POLE: variants seen among roughly 807,000 people sequenced by gnomAD.
POLE encodes the protein DNA polymerase epsilon catalytic subunit A.
Under a neutral mutation model 279.2 loss-of-function variants are expected in POLE, and 188 were observed. The ratio of observed to expected loss-of-function variants is 0.67; its 90% CI spans 0.60 to 0.76. POLE has a LOEUF of 0.76. Among genes scored for constraint, POLE ranks in the 30% least tolerant of loss-of-function variants. The pLI is 0.00. For missense variants in POLE, 2,703 were observed against 3,016.7 expected (o/e 0.90, Z 2.44); for synonymous variants, 1,214 against 1,172.5 (o/e 1.04, Z -0.72).
At chr12:132,659,167 T>C (rs1360432368) in intron 26 of POLE, 128 bp downstream of exon 26, 1 of 938,610 alleles carries the variant, frequency 1.1e-6, no homozygotes, top group Non-Finnish European at 1.6e-6. Flanking sequence ...ACCCCTTACC[T>C]CTCCGTGACA....
At chr12:132,667,790 C>T (rs751451605) in intron 19 of POLE, 142 bp from the exon 20 acceptor site, 45 of 931,864 alleles carry the variant, frequency 4.8e-5, no homozygotes, top group African/African-American at 1.1e-4. Context: ...TTTCTCATAC[C>T]GAAAAAGGTG....
rs199788386 is a variant in POLE, at chr12:132,643,366, T to C, written c.4445-36A>G. 1.9e-4 allele frequency: 302 copies of C among 1,614,148 alleles called. 1 individual carries two copies. In the African/African-American group the frequency reaches 3.8e-3, roughly 20 times the overall value. On this transcript the variant is annotated intron_variant, in intron 34 of 48. Coordinates refer to ENST00000320574, the MANE Select transcript of POLE (RefSeq NM_006231.4). ...AAACAAGACCGTCACCCCAGATGTG[T>C]GGGAGGCAGGCACATGATGGGCGGC...
chr12:132,658,881 C>CAAAAAAAAAAAAAAAAAAAAAAAA lies in POLE; in HGVS notation c.3275+390_3275+413dup, dbSNP rs1167117347. ...ACTGGTCCTATTTGTATATAACCAC[C>CAAAAAAAAAAAAAAAAAAAAAAAA]AAAAAAAAAAAAAAAAAAAAAAAAA... On this transcript the variant is annotated intron_variant, in intron 26 of 48. Coordinates refer to ENST00000320574, the MANE Select transcript of POLE (RefSeq NM_006231.4). Among the ~76,000 whole-genome samples, 32 of 33,836 alleles carry CAAAAAAAAAAAAAAAAAAAAAAAA rather than the reference C, an allele frequency of 9.5e-4. 6 individuals are homozygous for CAAAAAAAAAAAAAAAAAAAAAAAA. Among genetic ancestry groups the CAAAAAAAAAAAAAAAAAAAAAAAA allele is most frequent in the Non-Finnish European group, 1.7e-3 (31 of 17,928 alleles). The allele number at this position is 33,836 out of a possible 152,430, so 22.2% of individuals were successfully genotyped here. A position where few individuals can be genotyped will look rare whatever the true frequency, so the allele number is the denominator to read the frequency against.
chr12:132,632,064 GCTC>G (rs761495585), intron 45 of POLE, among the ~76,000 whole-genome samples: 7 of 152,186 alleles, frequency 4.6e-5, no homozygotes, highest in South Asian at 2.1e-4. Flanking sequence ...ACTTACACCT[GCTC>G]CTCACCTTGC....
rs373468985 is a variant in POLE, at chr12:132,642,966, C to A, written c.4582G>T (p.Ala1528Ser). 3 of 1,597,116 alleles carry A rather than the reference C, an allele frequency of 1.9e-6. No homozygotes were observed. Among genetic ancestry groups the A allele is most frequent in the Non-Finnish European group, 2.6e-6 (3 of 1,174,902 alleles). ...VRSNQMPSLG[A>S]LYSAEHGLLL... ...AGGCCGTGCTCTGCTGAGTACAGGG[C>A]GCCAAGGCTGGGCATCTGGTTGCTG... The change falls in exon 36 of 49, where the codon GCC becomes TCC. Residue 1528 changes from alanine (A) to serine (S), a missense_variant. Around this residue, in one of 5 missense-constraint regions of POLE, gnomAD observed 1,551 missense variants for 1,686.1 expected, o/e 0.92. Transcript: ENST00000320574.
chr12:132,682,306 A>AT (rs1354460078), intron 1 of POLE, among the ~76,000 whole-genome samples: 2 of 99,034 alleles, frequency 2.0e-5, no homozygotes, highest in African/African-American at 6.7e-5. Flanking sequence ...AAAAAAAAAT[A>AT]AATAAAAATA....
Position 132,638,096 on chromosome 12 carries a change from C to T in POLE, c.5596G>A (p.Ala1866Thr), listed in dbSNP as rs377662540. The T allele has an allele frequency of 6.9e-5, 112 of 1,613,688 alleles. No homozygotes were observed. The highest frequency in any genetic ancestry group is 9.2e-5 in the Non-Finnish European group (108 of 1,179,896). The change falls in exon 41 of 49, where the codon GCC (alanine) becomes ACC (threonine). Residue 1866 changes from alanine (A) to threonine (T), a missense_variant. Transcript: ENST00000320574. ...CAGAGGATGATGCGGTTGAAGTTGG[C>T]GTAGATGACTGATGACCCCAGGCGC... Reference protein sequence around the residue: ...FKRLGSSVIYANFNRIILCTK... With the variant: ...FKRLGSSVIYTNFNRIILCTK...
chr12:132,658,132 G>C (rs1178936597), intron 26 of POLE, 162 bp from the exon 27 acceptor site: 1 of 573,592 alleles, frequency 1.7e-6, no homozygotes, highest in East Asian at 2.9e-5. Context: ...CATGCCTACA[G>C]GTTCCTCGGG....
rs575507173 is a variant in POLE, at chr12:132,651,669, C to T, written c.3583-1780G>A. On this transcript the variant is annotated intron_variant, in intron 29 of 48. Coordinates refer to ENST00000320574, the MANE Select transcript of POLE (RefSeq NM_006231.4). ...GTGACTTGCCCGTAATGAACAGATT[C>T]CAGCAAAAGTCATGGAATGCCACTC... is the stretch of plus-strand genomic sequence containing the variant. Among the ~76,000 whole-genome samples, 26 of 152,358 alleles carry T rather than the reference C, an allele frequency of 1.7e-4. No individual in the cohort carries two copies. In the East Asian group the frequency reaches 5.0e-3, roughly 29 times the overall value.
chr12:132,687,184 G>C, intron 1 of POLE, 70 bp downstream of exon 1: 3 of 1,010,656 alleles, frequency 3.0e-6, no homozygotes, highest in Non-Finnish European at 3.8e-6. Context: ...CCTCGGCGGC[G>C]CCAGCCGAGG....
Position 132,649,900 on chromosome 12 carries a change from C to G in POLE, c.3583-11G>C, listed in dbSNP as rs760877999. 1.9e-6 allele frequency: 3 copies of G among 1,611,962 alleles called. No individual in the cohort carries two copies. Among genetic ancestry groups the G allele is most frequent in the South Asian group, 2.2e-5 (2 of 90,940 alleles). ...CTCGGCCATCGTGACCTGGAAAGAC[C>G]CAGTGAAGCCTTAAATCTCAGGATC... On this transcript the variant is annotated splice_polypyrimidine_tract_variant and intron_variant, in intron 29 of 48. Coordinates refer to ENST00000320574, the MANE Select transcript of POLE (RefSeq NM_006231.4).
intron 32 of POLE, among the ~76,000 whole-genome samples, chr12:132,647,257 C>G (rs1413795879): frequency 2.6e-5 from 4 of 151,970 alleles, no homozygotes; most frequent in African/African-American, 9.7e-5. Flanking sequence ...CAAGATCATG[C>G]CACTGCACTC....
At position 132,680,597 on chromosome 12, in the gene POLE, AG is replaced by A. The variant is rs1593087048; in HGVS notation, c.285+9del. On this transcript the variant is annotated intron_variant, in intron 3 of 48. Coordinates refer to ENST00000320574, the MANE Select transcript of POLE (RefSeq NM_006231.4). ...AAGTGGGTTTTAGCTTGTCGCAGTC[AG>A]GGGCTTACCTTAAATCTGCTTCCGT... 3.1e-6 allele frequency: 5 copies of A among 1,609,890 alleles called. No homozygotes were observed. Among genetic ancestry groups the A allele is most frequent in the Non-Finnish European group, 4.3e-6 (5 of 1,176,154 alleles).
At chr12:132,687,101 G>A (rs2043291379) in intron 1 of POLE, among the ~76,000 whole-genome samples, 153 bp downstream of exon 1, 1 of 151,152 alleles carries the variant, frequency 6.6e-6, no homozygotes, top group Non-Finnish European at 1.5e-5. Flanking sequence ...TCCGTCGGCG[G>A]TCGGGGCGCG....
chr12:132,665,420 C>T lies in POLE; in HGVS notation c.2350G>A (p.Glu784Lys), dbSNP rs147427999. The change falls in exon 21 of 49, where the codon GAG becomes AAG. Residue 784 changes from glutamate (E) to lysine (K), a missense_variant. Around this residue, in one of 5 missense-constraint regions of POLE, gnomAD observed 1,011 missense variants for 1,111.7 expected, o/e 0.91. Transcript: ENST00000320574. ...TTCACCTCAGCCGCGTCGCCCACCT[C>T]CACGGCCGCCGAGAGCTTCTTTTTC... ...VWKKKLSAAVEVGDAAEVKRC... is the reference protein window; with the variant it reads ...VWKKKLSAAVKVGDAAEVKRC... 3 of 1,612,632 alleles carry T rather than the reference C, an allele frequency of 1.9e-6. No individual in the cohort carries two copies. The highest frequency in any genetic ancestry group is 1.3e-5 in the African/African-American group (1 of 75,036).
rs1368866451 is a variant in POLE, at chr12:132,625,686, C to T, written c.6616G>A (p.Val2206Ile). ...AAGGCCATCAGCTTCTTCTGTAGAA[C>T]TTCCACCAGCGTCATCTCGATGGCA... ...SSAIEMTLVE[V>I]LQKKLMAFTL... The change falls in exon 47 of 49, where the codon GTT (valine) becomes ATT (isoleucine). Residue 2206 changes from valine (V) to isoleucine (I), a missense_variant. Val to Ile is a conservative substitution (Grantham distance 29, BLOSUM62 3). Around this residue, in one of 5 missense-constraint regions of POLE, gnomAD observed 1,551 missense variants for 1,686.1 expected, o/e 0.92. Transcript: ENST00000320574. 1 of 1,613,836 alleles carries T rather than the reference C, an allele frequency of 6.2e-7. No individual in the cohort carries two copies. Among genetic ancestry groups the T allele is most frequent in the Admixed American group, 1.7e-5 (1 of 60,026 alleles).
chr12:132,669,026 G>A, intron 16 of POLE, 87 bp from the exon 17 acceptor site: 3 of 1,315,164 alleles, frequency 2.3e-6, no homozygotes, highest in East Asian at 2.5e-5. Context: ...ATTCAGGAGA[G>A]GAAAAAGCTG....
At position 132,667,627 on chromosome 12, in the gene POLE, T is replaced by C. The variant is rs1259020343; in HGVS notation, c.2195A>G (p.Lys732Arg). ...RLADYCRKAY[K>R]KIHITKVEER... is the part of the protein sequence containing the mutation. ...TTCCACCTTGGTGATGTGGATCTTC[T>C]TGTAGGCTTTCCGGCAGTAATCTAA... Residue 732 changes from lysine to arginine, a missense_variant, in exon 20 of 49, where the codon AAG becomes AGG. Physicochemically the swap from Lys to Arg is conservative, Grantham distance 26. Around this residue, in one of 5 missense-constraint regions of POLE, gnomAD observed 1,011 missense variants for 1,111.7 expected, o/e 0.91. Coordinates refer to ENST00000320574, the MANE Select transcript of POLE (RefSeq NM_006231.4). The C allele has an allele frequency of 6.2e-7, 1 of 1,614,182 alleles. No individual in the cohort carries two copies. Among genetic ancestry groups the C allele is most frequent in the East Asian group, 2.2e-5 (1 of 44,882 alleles).
chr12:132,646,594 G>A (rs974741632), intron 32 of POLE, among the ~76,000 whole-genome samples: 5 of 151,416 alleles, frequency 3.3e-5, no homozygotes, highest in African/African-American at 1.2e-4. Flanking sequence ...CACTTTGGGA[G>A]GCCGAGGTGG....
Sources: gnomAD v4.1 joint callset for allele counts (sites outside exome capture counted in the v4.1 genomes callset) on GRCh38, gnomAD v4.1.1 for gene constraint, gnomAD v4.1.1 regional missense constraint, MANE v1.5 for transcripts, NCBI Gene and HGNC (gene_info 2026-07-23, HGNC 2026-07-21) for gene names.